The following COG5 variants were observed in gnomAD, a reference collection of about 807,000 sequenced individuals.
COG5 encodes conserved oligomeric Golgi complex subunit 5.
In COG5, 86 loss-of-function variants were observed where a neutral mutation model predicts 110.4. The observed-to-expected ratio is 0.78, with a 90% CI of 0.65 to 0.93. The LOEUF (loss-of-function observed/expected upper bound fraction) is 0.93. Among genes scored for constraint, COG5 ranks in the 40% least tolerant of loss-of-function variants. COG5 has a pLI of 0.00. For missense variants in COG5, 1,077 were observed against 987.0 expected, an observed-to-expected ratio of 1.09 and a Z score of -1.22; for synonymous variants, 360 against 334.6, an observed-to-expected ratio of 1.08 and a Z score of -0.83.
chr7:107,416,150 C>G (rs928059294), intron 6 of COG5, among the ~76,000 whole-genome samples: 2 of 151,706 alleles, frequency 1.3e-5, no homozygotes, highest in African/African-American at 4.8e-5. Context: ...TTCTTAGGCA[C>G]ATACCCCAGA....
At chr7:107,209,856 C>T in intron 21 of COG5, 1 of 985,630 alleles carries the variant, frequency 1.0e-6, no homozygotes, top group Non-Finnish European at 1.2e-6. Context: ...GCTAAAGCTA[C>T]AGAGTGGTAA....
chr7:107,329,522 C>T (rs1388634158), intron 10 of COG5, among the ~76,000 whole-genome samples: 1 of 151,890 alleles, frequency 6.6e-6, no homozygotes, highest in African/African-American at 2.4e-5. Context: ...ATATACTATA[C>T]TATATAATAG....
chr7:107,228,709 T>C (rs1800546970), intron 19 of COG5, among the ~76,000 whole-genome samples: 1 of 151,830 alleles, frequency 6.6e-6, no homozygotes, highest in African/African-American at 2.4e-5. Flanking sequence ...CTAAAACTCA[T>C]CTCTGTACAG....
intron 10 of COG5, among the ~76,000 whole-genome samples, chr7:107,353,951 T>C (rs749693776): frequency 1.3e-5 from 2 of 152,178 alleles, no homozygotes; most frequent in Non-Finnish European, 2.9e-5. Flanking sequence ...ATCAAAATCT[T>C]AGCAAAAACC....
chr7:107,493,197 C>G (rs757398339), intron 6 of COG5, among the ~76,000 whole-genome samples: 2 of 152,152 alleles, frequency 1.3e-5, no homozygotes, highest in Non-Finnish European at 2.9e-5. Flanking sequence ...GGATGCAGCA[C>G]GAAGGCCCAC....
intron 7 of COG5, among the ~76,000 whole-genome samples, chr7:107,380,461 TA>T (rs1371805023): frequency 2.0e-5 from 3 of 151,792 alleles, no homozygotes; most frequent in African/African-American, 4.8e-5. Context: ...TTAGACACAA[TA>T]AAAAATGATA....
At chr7:107,455,203 C>A (rs575965932) in intron 6 of COG5, among the ~76,000 whole-genome samples, 1 of 152,232 alleles carries the variant, frequency 6.6e-6, no homozygotes, top group African/African-American at 2.4e-5. Context: ...CTGGAAGAGT[C>A]AGGGAAGATA....
chr7:107,400,775 T>A (rs1371653165), intron 7 of COG5, among the ~76,000 whole-genome samples: 1 of 152,166 alleles, frequency 6.6e-6, no homozygotes, highest in Non-Finnish European at 1.5e-5. Context: ...TAGCCAATGT[T>A]ATTGTGGATT....
intron 14 of COG5, among the ~76,000 whole-genome samples, chr7:107,270,689 T>C (rs1338212511): frequency 6.6e-6 from 1 of 152,090 alleles, no homozygotes; most frequent in African/African-American, 2.4e-5. Flanking sequence ...AAATATATAC[T>C]ACATTTAGTT....
At chr7:107,286,524 A>C (rs923987203) in intron 12 of COG5, among the ~76,000 whole-genome samples, 1 of 152,214 alleles carries the variant, frequency 6.6e-6, no homozygotes, top group Non-Finnish European at 1.5e-5. Context: ...CTGGCCAAGT[A>C]CTTCAGAGAA....
chr7:107,447,654 T>C lies in COG5; in HGVS notation c.539-35022A>G, dbSNP rs570373041. 3.0e-3 allele frequency among the ~76,000 whole-genome samples: 451 copies of C among 152,310 alleles called. 4 individuals are homozygous for C. The highest frequency in any genetic ancestry group is 0.01 in the African/African-American group (421 of 41,576). On this transcript the variant is annotated intron_variant, in intron 6 of 21. Transcript: ENST00000297135. Reference sequence around the variant, plus strand: ...TTTCATACAGTATCTCATAATACTCTGTCAATAACCATATATTATCTATAA... The same window carrying C: ...TTTCATACAGTATCTCATAATACTCCGTCAATAACCATATATTATCTATAA...
At chr7:107,445,200 C>CA (rs934894148) in intron 6 of COG5, among the ~76,000 whole-genome samples, 24 of 149,884 alleles carry the variant, frequency 1.6e-4, no homozygotes, top group South Asian at 6.3e-4. Context: ...GACCCTGTCT[C>CA]AAAAAAAAAT....
chr7:107,379,222 G>A (rs570153715), intron 7 of COG5, among the ~76,000 whole-genome samples: 1 of 152,290 alleles, frequency 6.6e-6, no homozygotes, highest in Admixed American at 6.5e-5. Context: ...AGCAAATGCT[G>A]AGAGATTTTG....
At chr7:107,351,418 A>G (rs1812123912) in intron 10 of COG5, among the ~76,000 whole-genome samples, 1 of 152,212 alleles carries the variant, frequency 6.6e-6, no homozygotes, top group Admixed American at 6.5e-5. Context: ...TCATGTCTAA[A>G]ACACCAAAAG....
chr7:107,507,490 G>C (rs1161549341), intron 6 of COG5, among the ~76,000 whole-genome samples: 1 of 125,694 alleles, frequency 8.0e-6, no homozygotes, highest in Admixed American at 8.3e-5. Context: ...TTTTTTTTTA[G>C]TAGACACAGG....
At chr7:107,502,888 C>T (rs1798723399) in intron 6 of COG5, among the ~76,000 whole-genome samples, 1 of 152,014 alleles carries the variant, frequency 6.6e-6, no homozygotes, top group Non-Finnish European at 1.5e-5. Context: ...GATTTGAGTT[C>T]CCTGTAGCTT....
chr7:107,528,148 G>A (rs1227934846), intron 5 of COG5, among the ~76,000 whole-genome samples: 2 of 151,180 alleles, frequency 1.3e-5, no homozygotes, highest in African/African-American at 2.4e-5. Context: ...CTGGAGTGCA[G>A]TGGCATGATC....
intron 18 of COG5, among the ~76,000 whole-genome samples, chr7:107,234,214 G>C (rs1361425627): frequency 6.6e-6 from 1 of 152,162 alleles, no homozygotes; most frequent in Non-Finnish European, 1.5e-5. Context: ...GGGCTTAACA[G>C]TGAGTAAATG....
chr7:107,423,647 A>C (rs1793445605), intron 6 of COG5, among the ~76,000 whole-genome samples: 1 of 151,236 alleles, frequency 6.6e-6, no homozygotes, highest in Non-Finnish European at 1.5e-5. Context: ...TAATACAAAA[A>C]CCAAAGACAT....
Sources: gnomAD v4.1 joint callset for allele counts (sites outside exome capture counted in the v4.1 genomes callset) on GRCh38, gnomAD v4.1.1 for gene constraint, MANE v1.5 for transcripts, NCBI Gene and HGNC (gene_info 2026-07-23, HGNC 2026-07-21) for gene names.